C14orf39: variants seen among roughly 807,000 people sequenced by gnomAD.
The protein encoded by C14orf39 is protein SIX6OS1.
Under a neutral mutation model 85.6 loss-of-function variants are expected in C14orf39, and 66 were observed. That is an observed-to-expected ratio of 0.77 (90% confidence interval 0.63 to 0.95). The LOEUF (loss-of-function observed/expected upper bound fraction) is 0.95, where lower values mean the gene tolerates loss of function less well. Ranked by LOEUF, C14orf39 falls within the 40% of genes least tolerant of loss-of-function variation. The pLI is 0.00. For synonymous variants in C14orf39, 242 were observed against 214.0 expected (o/e 1.13, Z -1.14); for missense variants, 735 against 663.9 (o/e 1.11, Z -1.18).
intron 1 of C14orf39, among the ~76,000 whole-genome samples, chr14:60,510,562 A>G (rs530049966): frequency 7.8e-5 from 9 of 115,756 alleles, no homozygotes; most frequent in Non-Finnish European, 1.5e-4. Flanking sequence ...TCGATTAGCC[A>G]AACATTTTGC....
At chr14:60,496,469 C>A in intron 2 of C14orf39, 2 of 265,984 alleles carry the variant, frequency 7.5e-6, no homozygotes, top group Non-Finnish European at 1.5e-5. Context: ...CTTTATGTCC[C>A]CTTAGCTGCC....
intron 1 of C14orf39, among the ~76,000 whole-genome samples, chr14:60,513,526 C>T (rs1893323778): frequency 6.6e-6 from 1 of 152,166 alleles, no homozygotes; most frequent in Non-Finnish European, 1.5e-5. Context: ...CACGGATATC[C>T]ACTCTTGTTC....
Position 60,461,539 on chromosome 14 carries a change from T to C in C14orf39, c.1027A>G (p.Ile343Val). 1.9e-6 allele frequency: 3 copies of C among 1,590,500 alleles called. No individual in the cohort carries two copies. The highest frequency in any genetic ancestry group is 2.3e-5 in the South Asian group (2 of 85,744). Residue 343 changes from isoleucine to valine, a missense_variant, in exon 12 of 18, where the codon ATC (isoleucine) becomes GTC (valine). Physicochemically the swap from Ile to Val is conservative, Grantham distance 29. Transcript: ENST00000321731. ...TGCATAAACTTTTGTGAACTTGTGA[T>C]AGTCGTAATATGTGAACATTTTGAA... ...NHSKCSHITT[I>V]TSSQKFMQVR... is the part of the protein sequence containing the mutation.
chr14:60,509,809 G>A (rs1893262777), intron 1 of C14orf39: 1 of 1,613,752 alleles, frequency 6.2e-7, no homozygotes, highest in Non-Finnish European at 8.5e-7. Flanking sequence ...GCTTCAAGGA[G>A]CGCACGCGGC....
At chr14:60,445,513 A>G (rs577518304) in intron 16 of C14orf39, among the ~76,000 whole-genome samples, 1 of 152,350 alleles carries the variant, frequency 6.6e-6, no homozygotes, top group South Asian at 2.1e-4. Context: ...AAGAAGAGCT[A>G]ACTATCCTAA....
intron 7 of C14orf39, 27 bp from the exon 8 acceptor site, chr14:60,469,680 A>G (rs777217055): frequency 1.0e-6 from 1 of 974,692 alleles, no homozygotes; most frequent in Non-Finnish European, 1.4e-6. Context: ...ACTATGTCAT[A>G]TAAGTAAATT....
chr14:60,511,313 AAG>A, intron 1 of C14orf39: 1 of 1,553,146 alleles, frequency 6.4e-7, no homozygotes, highest in Non-Finnish European at 8.9e-7. Flanking sequence ...AACAAAATGA[AAG>A]AGGGGAAGAA....
intron 16 of C14orf39, among the ~76,000 whole-genome samples, chr14:60,451,922 C>T (rs1891054230): frequency 6.6e-6 from 1 of 151,870 alleles, no homozygotes; most frequent in African/African-American, 2.4e-5. Flanking sequence ...GTGGCTCACG[C>T]CTGTAATCCC....
Position 60,483,681 on chromosome 14 carries a change from A to C in C14orf39, c.233+10T>G. The C allele has an allele frequency of 6.3e-7, 1 of 1,575,888 alleles. No individual in the cohort carries two copies. The highest frequency in any genetic ancestry group is 2.3e-5 in the East Asian group (1 of 44,048). On this transcript the variant is annotated intron_variant, in intron 4 of 17. Transcript: ENST00000321731. ...GAATGCAATGAAAATTGATTCTTTCAAATACTCACTTTCTACAGTTGTCTT... is the reference window on the plus strand; with the variant it reads ...GAATGCAATGAAAATTGATTCTTTCCAATACTCACTTTCTACAGTTGTCTT...
At chr14:60,482,183 G>C (rs900924741) in intron 4 of C14orf39, among the ~76,000 whole-genome samples, 2 of 152,170 alleles carry the variant, frequency 1.3e-5, no homozygotes, top group African/African-American at 4.8e-5. Flanking sequence ...CTTTTACAAA[G>C]TACAGTGTAT....
intron 1 of C14orf39, among the ~76,000 whole-genome samples, chr14:60,508,141 T>C (rs1215925010): frequency 6.6e-6 from 1 of 152,170 alleles, no homozygotes; most frequent in African/African-American, 2.4e-5. Context: ...TGTATTGTAT[T>C]TTTACTGAAT....
At chr14:60,438,551 T>A (rs189832854) in intron 17 of C14orf39, among the ~76,000 whole-genome samples, 1 of 152,212 alleles carries the variant, frequency 6.6e-6, no homozygotes, top group Admixed American at 6.5e-5. Context: ...GCATTATAGG[T>A]GCTATGGGGA....
chr14:60,489,024 CT>C (rs542088846), upstream of C14orf39, among the ~76,000 whole-genome samples: 1 of 152,104 alleles, frequency 6.6e-6, no homozygotes, highest in African/African-American at 2.4e-5. Context: ...CTACCCTTTT[CT>C]TTTTTGGGGG....
At chr14:60,465,582 C>T (rs1194672585) in intron 11 of C14orf39, among the ~76,000 whole-genome samples, 3 of 152,092 alleles carry the variant, frequency 2.0e-5, no homozygotes, top group African/African-American at 7.2e-5. Flanking sequence ...TACTCATCAT[C>T]CGTATACCTT....
chr14:60,468,927 G>A (rs1555357729), intron 8 of C14orf39, among the ~76,000 whole-genome samples: 2 of 151,300 alleles, frequency 1.3e-5, no homozygotes, highest in Non-Finnish European at 3.0e-5. Flanking sequence ...TAAGTATACA[G>A]TATTTAACAT....
chr14:60,486,919 T>C (rs943506867), upstream of C14orf39, among the ~76,000 whole-genome samples: 22 of 152,352 alleles, frequency 1.4e-4, no homozygotes, highest in African/African-American at 5.3e-4. Context: ...TGTAACAATT[T>C]AGCAGATTTA....
At chr14:60,509,480 G>A (rs1395116194) in intron 1 of C14orf39, 5 of 1,601,324 alleles carry the variant, frequency 3.1e-6, no homozygotes, top group Non-Finnish European at 4.2e-6. Context: ...CGGCGATGTG[G>A]AGCGCCTGGG....
chr14:60,501,477 A>G (rs1893146920), intron 1 of C14orf39, among the ~76,000 whole-genome samples: 1 of 152,166 alleles, frequency 6.6e-6, no homozygotes. Flanking sequence ...AGAAGCTGGA[A>G]GGGGCATGAA....
intron 7 of C14orf39, among the ~76,000 whole-genome samples, chr14:60,470,278 C>A (rs1036602864): frequency 1.3e-5 from 2 of 151,820 alleles, no homozygotes; most frequent in African/African-American, 2.4e-5. Flanking sequence ...TTAGCTAATA[C>A]AATGTCCTAA....
Sources: gnomAD v4.1 joint callset for allele counts (sites outside exome capture counted in the v4.1 genomes callset) on GRCh38, gnomAD v4.1.1 for gene constraint, MANE v1.5 for transcripts, NCBI Gene and HGNC (gene_info 2026-07-23, HGNC 2026-07-21) for gene names.